The following DOCK7 variants were observed in gnomAD, a reference collection of about 807,000 sequenced individuals.
DOCK7 encodes dedicator of cytokinesis protein 7.
DOCK7 carries 138 observed loss-of-function variants against 271.0 expected under a neutral mutation model. The ratio of observed to expected loss-of-function variants is 0.51; its 90% CI spans 0.44 to 0.59. The LOEUF (loss-of-function observed/expected upper bound fraction) is 0.59, where lower values mean the gene tolerates loss of function less well. DOCK7 is among the 20% of genes least tolerant of loss of function. The pLI is 0.00. For synonymous variants in DOCK7, 823 were observed against 876.1 expected, an observed-to-expected ratio of 0.94 and a Z score of 1.07; for missense variants, 2,066 against 2,592.4, an observed-to-expected ratio of 0.80 and a Z score of 4.41.
Position 62,583,207 on chromosome 1 carries a change from A to G in DOCK7, c.1848T>C (p.Tyr616=), listed in dbSNP as rs760899785. The G allele has an allele frequency of 6.2e-7, 1 of 1,613,430 alleles. No individual in the cohort carries two copies. The change falls in exon 16 of 50, where the codon TAT becomes TAC. Residue 616 remains tyrosine, a synonymous_variant. Coordinates refer to ENST00000635253, the MANE Select transcript of DOCK7 (RefSeq NM_001367561.1). ...SSCSEFSKEA[Y]TAVVYHNRSP... is the part of the protein sequence containing the mutation. Reference sequence around the variant, plus strand: ...ACCTGTTATGATATACTACGGCTGTATAGGCTTCCTTTGAAAATTCTGAAC... The same window carrying G: ...ACCTGTTATGATATACTACGGCTGTGTAGGCTTCCTTTGAAAATTCTGAAC...
In DOCK7 at chr1:62,622,389, T is replaced by C. The variant is rs189279109; in HGVS notation, c.1426-2396A>G. ...AATAGAACAAATGTCTTCAAAACTA[T>C]TGTGTGGGTTTGATTTTTTTTTTAA... On this transcript the variant is annotated intron_variant, in intron 12 of 49. Transcript: ENST00000635253. Among the ~76,000 whole-genome samples, 785 of 152,338 alleles carry C rather than the reference T, an allele frequency of 5.2e-3. 7 individuals are homozygous for C. The highest frequency in any genetic ancestry group is 7.9e-3 in the Non-Finnish European group (539 of 68,016).
At chr1:62,675,193 T>A (rs547327664) in intron 1 of DOCK7, among the ~76,000 whole-genome samples, 1 of 152,164 alleles carries the variant, frequency 6.6e-6, no homozygotes, top group South Asian at 2.1e-4. Flanking sequence ...GCGGGGAGGA[T>A]CACTTGAGCC....
intron 37 of DOCK7, among the ~76,000 whole-genome samples, chr1:62,500,494 C>T (rs1401232059): frequency 2.6e-5 from 4 of 151,846 alleles, no homozygotes; most frequent in Non-Finnish European, 5.9e-5. Flanking sequence ...AGGAACAAAA[C>T]AAGTATTTTA....
rs10889335 is a variant in DOCK7, at chr1:62,494,430, A to G, written c.5062T>C (p.Leu1688=). ...KGYQTSPDLR[L]TWLQNMAGKH... ...CCTGCCATGTTCTGCAACCAGGTCA[A>G]TCGCAGATCTGGAGAGGTCTGGTAA... Residue 1688 remains leucine (L), a synonymous_variant, in exon 40 of 50, where the codon TTG becomes CTG. Transcript: ENST00000635253. The G allele has an allele frequency of 0.35, 562,171 of 1,611,696 alleles. 100,413 individuals carry two copies. Among genetic ancestry groups the G allele is most frequent in the South Asian group, 0.46 (41,523 of 90,850 alleles).
chr1:62,607,626 TG>T (rs1490326527), intron 14 of DOCK7: 2 of 152,226 alleles, frequency 1.3e-5, no homozygotes, highest in Non-Finnish European at 2.9e-5. Context: ...ACTGAAGAAG[TG>T]TAACAGCAGA....
At chr1:62,647,589 G>T in intron 7 of DOCK7, 102 bp downstream of exon 7, 1 of 770,890 alleles carries the variant, frequency 1.3e-6, no homozygotes, top group Non-Finnish European at 2.2e-6. Flanking sequence ...CTTCTCAAAA[G>T]GACACAAATG....
At chr1:62,679,787 A>G (rs1015378491) in intron 1 of DOCK7, among the ~76,000 whole-genome samples, 1 of 152,236 alleles carries the variant, frequency 6.6e-6, no homozygotes, top group Non-Finnish European at 1.5e-5. Context: ...CCCATTCACA[A>G]TTGCTTCAAA....
chr1:62,475,634 T>A, intron 46 of DOCK7, 73 bp downstream of exon 46: 1 of 1,364,886 alleles, frequency 7.3e-7, no homozygotes, highest in Non-Finnish European at 1.0e-6. Flanking sequence ...TATCTTCTGG[T>A]ACATCTGAGT....
intron 14 of DOCK7, chr1:62,601,072 C>T (rs749549638): frequency 6.7e-7 from 1 of 1,484,480 alleles, no homozygotes; most frequent in Non-Finnish European, 9.4e-7. Flanking sequence ...GATTTATATT[C>T]TTTTATCAGC....
intron 14 of DOCK7, chr1:62,602,312 G>C: frequency 6.2e-7 from 1 of 1,610,338 alleles, no homozygotes; most frequent in Non-Finnish European, 8.5e-7. Flanking sequence ...ATTCAACATC[G>C]AATAGATGGA....
intron 1 of DOCK7, among the ~76,000 whole-genome samples, chr1:62,681,313 C>G (rs1450534254): frequency 6.8e-6 from 1 of 146,086 alleles, no homozygotes; most frequent in Non-Finnish European, 1.5e-5. Flanking sequence ...CATGTTCTCA[C>G]TCATAGGTGG....
intron 37 of DOCK7, 60 bp downstream of exon 37, chr1:62,504,570 C>T: frequency 6.5e-7 from 1 of 1,526,918 alleles, no homozygotes; most frequent in Non-Finnish European, 8.8e-7. Context: ...GATTTAATAA[C>T]TATCAGCAGA....
At position 62,688,379 on chromosome 1, in the gene DOCK7, C is replaced by G; in HGVS notation, c.-115G>C. 3.2e-6 allele frequency: 2 copies of G among 629,348 alleles called. No individual in the cohort carries two copies. Among genetic ancestry groups the G allele is most frequent in the Non-Finnish European group, 4.3e-6 (2 of 460,814 alleles). 39.0% of individuals were successfully genotyped at this position (629,348 alleles called of 1,614,324 possible). A position where few individuals can be genotyped will look rare whatever the true frequency, so the allele number is the denominator to read the frequency against. On this transcript the variant is annotated 5_prime_UTR_variant, in exon 1 of 50. Transcript: ENST00000635253. ...CTCGCGGCCTCCGCCAGTCCGGGCT[C>G]CGGACCTGGGAGGCTGGGGCTGGCG...
In DOCK7 at chr1:62,481,008, C is replaced by CAAAAAA. The variant is rs35993847; in HGVS notation, c.5509-3189_5509-3184dup. On this transcript the variant is annotated intron_variant, in intron 43 of 49. Transcript: ENST00000635253. ...TGGGCGACAGAGCGAGACTCCGTCT[C>CAAAAAA]AAAAAAAAAAAAAAAAAAAAATCTG... 1.5e-3 allele frequency among the ~76,000 whole-genome samples: 139 copies of CAAAAAA among 93,964 alleles called. 2 individuals are homozygous for CAAAAAA. The highest frequency in any genetic ancestry group is 7.4e-3 in the East Asian group (22 of 2,978). The allele number at this position is 93,964 out of a possible 152,430, so 61.6% of individuals were successfully genotyped here. A position where few individuals can be genotyped will look rare whatever the true frequency, so the allele number is the denominator to read the frequency against.
At position 62,496,514 on chromosome 1, in the gene DOCK7, G is replaced by A. The variant is rs943797240; in HGVS notation, c.4765-17C>T. Reference sequence around the variant, plus strand: ...GGCAAAGTTCTGTAACAGAGAAATTGTCCAGTCAATACTTAATATAGAAAA... The same window carrying A: ...GGCAAAGTTCTGTAACAGAGAAATTATCCAGTCAATACTTAATATAGAAAA... On this transcript the variant is annotated splice_polypyrimidine_tract_variant and intron_variant, in intron 37 of 49. Coordinates refer to ENST00000635253, the MANE Select transcript of DOCK7 (RefSeq NM_001367561.1). 2.5e-6 allele frequency: 4 copies of A among 1,607,134 alleles called. No homozygotes were observed. The highest frequency in any genetic ancestry group is 1.7e-6 in the Non-Finnish European group (2 of 1,177,548).
At chr1:62,623,043 G>T (rs1653486518) in intron 12 of DOCK7, among the ~76,000 whole-genome samples, 1 of 152,064 alleles carries the variant, frequency 6.6e-6, no homozygotes, top group African/African-American at 2.4e-5. Context: ...TAAAGGGCTG[G>T]GATTACAGGC....
chr1:62,501,028 C>T (rs1021950075), intron 37 of DOCK7, among the ~76,000 whole-genome samples: 3 of 150,848 alleles, frequency 2.0e-5, no homozygotes, highest in Admixed American at 1.3e-4. Context: ...CAGGAGGAAA[C>T]GCTGTCTCTA....
At chr1:62,650,847 G>A (rs891457367) in intron 4 of DOCK7, among the ~76,000 whole-genome samples, 25 of 152,158 alleles carry the variant, frequency 1.6e-4, no homozygotes, top group African/African-American at 5.8e-4. Context: ...AGTGTTGGTG[G>A]GACTGTAAAC....
At chr1:62,542,257 T>C (rs1482044940) in intron 25 of DOCK7, among the ~76,000 whole-genome samples, 3 of 152,154 alleles carry the variant, frequency 2.0e-5, no homozygotes, top group African/African-American at 7.2e-5. Flanking sequence ...TGGGTATCTA[T>C]AAAGCTCTTT....
Sources: gnomAD v4.1 joint callset for allele counts (sites outside exome capture counted in the v4.1 genomes callset) on GRCh38, gnomAD v4.1.1 for gene constraint, MANE v1.5 for transcripts, NCBI Gene and HGNC (gene_info 2026-07-23, HGNC 2026-07-21) for gene names.